The following VPS53 variants were observed in gnomAD, a reference collection of about 807,000 sequenced individuals.
The protein encoded by VPS53 is VPS53 subunit of GARP complex, also known as vacuolar protein sorting-associated protein 53 homolog.
A neutral mutation model predicts 107.0 loss-of-function variants in VPS53; 70 were observed. The observed-to-expected ratio is 0.65, with a 90% CI of 0.54 to 0.80. The LOEUF (loss-of-function observed/expected upper bound fraction) is 0.80, where lower values mean the gene tolerates loss of function less well. VPS53 is among the 30% of genes least tolerant of loss of function. VPS53 has a pLI of 0.00. For synonymous variants in VPS53, 409 were observed against 393.3 expected, an observed-to-expected ratio of 1.04 and a Z score of -0.47; for missense variants, 917 against 1,049.4, an observed-to-expected ratio of 0.87 and a Z score of 1.74.
At chr17:629,871 G>T (rs1011293042) in intron 8 of VPS53, among the ~76,000 whole-genome samples, 5 of 150,500 alleles carry the variant, frequency 3.3e-5, no homozygotes, top group African/African-American at 9.8e-5. Context: ...AGAGAAAAGG[G>T]AGGCATGTTG....
chr17:673,427 G>A (rs1475708965), intron 4 of VPS53, among the ~76,000 whole-genome samples: 2 of 152,220 alleles, frequency 1.3e-5, no homozygotes, highest in South Asian at 2.1e-4. Flanking sequence ...CGCTCTCCAC[G>A]ACGGTGCTCA....
intron 12 of VPS53, among the ~76,000 whole-genome samples, chr17:598,160 G>C (rs1223083994): frequency 6.6e-6 from 1 of 152,318 alleles, no homozygotes; most frequent in African/African-American, 2.4e-5. Flanking sequence ...ACGGGGTTTC[G>C]CTGGGTTGGC....
At chr17:620,678 ATTT>A (rs67264596) in intron 11 of VPS53, among the ~76,000 whole-genome samples, 2 of 140,208 alleles carry the variant, frequency 1.4e-5, no homozygotes, top group African/African-American at 2.6e-5. Context: ...TCTACATTCT[ATTT>A]TTTTTTTTTT....
intron 15 of VPS53, among the ~76,000 whole-genome samples, chr17:553,750 A>C (rs1912087192): frequency 6.6e-6 from 1 of 151,820 alleles, no homozygotes; most frequent in South Asian, 2.1e-4. Flanking sequence ...TTATATTTTT[A>C]GTAGAGATGG....
At chr17:629,699 C>T (rs1173700965) in intron 8 of VPS53, among the ~76,000 whole-genome samples, 1 of 151,148 alleles carries the variant, frequency 6.6e-6, no homozygotes, top group Non-Finnish European at 1.5e-5. Context: ...GAAGGTGGAG[C>T]TTGCAGTGAG....
At chr17:685,250 G>A (rs1163466377) in intron 4 of VPS53, 1 of 152,210 alleles carries the variant, frequency 6.6e-6, no homozygotes, top group Admixed American at 6.5e-5. Flanking sequence ...GCTCCCTGCA[G>A]TGACCCAGGT....
intron 19 of VPS53, 142 bp downstream of exon 19, chr17:532,700 C>T (rs1567602318): frequency 7.0e-7 from 1 of 1,426,906 alleles, no homozygotes. Context: ...ATTAAGAAAC[C>T]TTCCGGGTGA....
In VPS53 at chr17:562,583, C is replaced by T; in HGVS notation, c.1476G>A (p.Glu492=). Residue 492 remains glutamate (E), a synonymous_variant, in exon 14 of 22, where the codon GAG becomes GAA. Coordinates refer to ENST00000437048, the MANE Select transcript of VPS53 (RefSeq NM_001128159.3). ...MVQCSQLSTG[E]PMIALTTIFQ... is the part of the protein sequence containing the mutation. The stretch of plus-strand genomic sequence containing the variant: ...AAATGGTGGTCAGGGCGATCATGGG[C>T]TCCCCAGTACTGAGCTGAGAGCATT... 6.2e-7 allele frequency: 1 copy of T among 1,613,980 alleles called. No homozygotes were observed. Among genetic ancestry groups the T allele is most frequent in the Non-Finnish European group, 8.5e-7 (1 of 1,179,982 alleles).
At chr17:611,548 T>G (rs1276773541) in intron 11 of VPS53, among the ~76,000 whole-genome samples, 1 of 152,190 alleles carries the variant, frequency 6.6e-6, no homozygotes, top group Non-Finnish European at 1.5e-5. Flanking sequence ...AAGTTAAGCC[T>G]AGGGTTACCA....
At chr17:664,054 G>A (rs751519059) in intron 4 of VPS53, among the ~76,000 whole-genome samples, 1 of 152,212 alleles carries the variant, frequency 6.6e-6, no homozygotes, top group East Asian at 1.9e-4. Context: ...ATGAGGAGGT[G>A]TGAGAATTTG....
intron 18 of VPS53, among the ~76,000 whole-genome samples, chr17:534,793 C>T (rs1213197260): frequency 6.6e-6 from 1 of 152,078 alleles, no homozygotes; most frequent in Non-Finnish European, 1.5e-5. Flanking sequence ...TGGCGAGCGC[C>T]TGTAATCCCA....
rs369302969 is a variant in VPS53 at position 632,679 on chromosome 17, C to A, written c.609-1051G>T. The stretch of plus-strand genomic sequence containing the variant: ...CCCGCCTCCCTGCTATGCCTCCCAG[C>A]CTCTGGGACCCAGCGTTCTACTCGC... On this transcript the variant is annotated intron_variant, in intron 7 of 21. Transcript: ENST00000437048. 5.1e-4 allele frequency: 231 copies of A among 456,116 alleles called. 2 individuals are homozygous for A. The highest frequency in any genetic ancestry group is 2.3e-3 in the Middle Eastern group (7 of 3,072). 28.3% of individuals were successfully genotyped at this position (456,116 alleles called of 1,614,324 possible).
intron 13 of VPS53, among the ~76,000 whole-genome samples, chr17:581,777 T>G (rs1967030813): frequency 6.6e-6 from 1 of 151,234 alleles, no homozygotes. Flanking sequence ...TCTAATGCGT[T>G]CCCACAGAAA....
intron 17 of VPS53, among the ~76,000 whole-genome samples, chr17:539,695 C>A (rs1482597960): frequency 6.6e-6 from 1 of 152,196 alleles, no homozygotes; most frequent in African/African-American, 2.4e-5. Context: ...TGCTTGCCAT[C>A]ATCCCCCATG....
chr17:570,794 A>G (rs1913968089), intron 13 of VPS53, among the ~76,000 whole-genome samples: 1 of 152,170 alleles, frequency 6.6e-6, no homozygotes, highest in African/African-American at 2.4e-5. Flanking sequence ...TGAGGAGGAG[A>G]GCATGGATGA....
intron 1 of VPS53, among the ~76,000 whole-genome samples, chr17:712,977 T>C (rs1398896844): frequency 2.0e-5 from 3 of 152,176 alleles, no homozygotes; most frequent in African/African-American, 7.2e-5. Flanking sequence ...AAAAGCTTCC[T>C]GCCCAATGGT....
At chr17:714,029 A>G (rs1423876611) in intron 1 of VPS53, 2 of 142,874 alleles carry the variant, frequency 1.4e-5, no homozygotes, top group East Asian at 4.1e-4. Context: ...CGGGCGACAG[A>G]GCGAGAATCC....
At chr17:602,274 A>G (rs1004018831) in intron 11 of VPS53, among the ~76,000 whole-genome samples, 22 of 152,182 alleles carry the variant, frequency 1.4e-4, no homozygotes, top group Non-Finnish European at 2.1e-4. Flanking sequence ...GCAATTGCCC[A>G]TTATTTGTCT....
intron 13 of VPS53, among the ~76,000 whole-genome samples, chr17:571,202 C>T (rs1914008891): frequency 8.4e-6 from 1 of 118,812 alleles, no homozygotes; most frequent in South Asian, 3.0e-4. Context: ...GTCTCAGTTA[C>T]TCTAGAGGCT....
Sources: allele counts gnomAD v4.1 joint callset (sites outside exome capture counted in the v4.1 genomes callset), GRCh38; gene constraint gnomAD v4.1.1; transcripts MANE v1.5; gene names NCBI Gene and HGNC (gene_info 2026-07-23, HGNC 2026-07-21).